DNAH17: variants seen among roughly 807,000 people sequenced by gnomAD.
DNAH17 encodes axonemal beta dynein heavy chain 17.
DNAH17 carries 376 observed loss-of-function variants against 485.6 expected under a neutral mutation model. That is an observed-to-expected ratio of 0.77 (90% CI 0.71 to 0.84). The LOEUF (loss-of-function observed/expected upper bound fraction) is 0.84, where lower values mean the gene tolerates loss of function less well. Ranked by LOEUF, DNAH17 falls within the 40% of genes least tolerant of loss-of-function variation. DNAH17 has a pLI of 0.00. For synonymous variants in DNAH17, 3,031 were observed against 2,405.9 expected (o/e 1.26, Z -7.60); for missense variants, 6,370 against 5,839.3 (o/e 1.09, Z -2.96).
intron 71 of DNAH17, among the ~76,000 whole-genome samples, chr17:78,443,700 C>A (rs1449481557): frequency 6.6e-6 from 1 of 152,200 alleles, no homozygotes; most frequent in Non-Finnish European, 1.5e-5. Flanking sequence ...TAGGAGCCCG[C>A]CACCGCGCCC....
At chr17:78,513,157 G>C (rs1470282353) in intron 26 of DNAH17, among the ~76,000 whole-genome samples, 2 of 152,014 alleles carry the variant, frequency 1.3e-5, no homozygotes, top group African/African-American at 4.8e-5. Context: ...TTCAGGCCAT[G>C]ACGGGAAGGA....
intron 25 of DNAH17, among the ~76,000 whole-genome samples, chr17:78,517,459 A>G (rs1244948121): frequency 1.3e-5 from 2 of 152,212 alleles, no homozygotes; most frequent in African/African-American, 2.4e-5. Flanking sequence ...ACACACACAG[A>G]AGAAGAAATA....
At chr17:78,496,408 T>C (rs1416985241) in intron 37 of DNAH17, among the ~76,000 whole-genome samples, 1 of 143,336 alleles carries the variant, frequency 7.0e-6, no homozygotes, top group Non-Finnish European at 1.5e-5. Flanking sequence ...CTCTGCCCCA[T>C]GTAGCCTGAT....
chr17:78,463,773 A>T (rs577026741), intron 56 of DNAH17, among the ~76,000 whole-genome samples: 2 of 152,366 alleles, frequency 1.3e-5, no homozygotes, highest in African/African-American at 4.8e-5. Context: ...GAACGCAGGC[A>T]CTGGGAGCTT....
intron 75 of DNAH17, 45 bp from the exon 76 acceptor site, chr17:78,429,345 C>T: frequency 6.3e-7 from 1 of 1,588,932 alleles, no homozygotes; most frequent in Non-Finnish European, 8.6e-7. Flanking sequence ...CCCTGTGCCC[C>T]TTCTCTGCCA....
intron 62 of DNAH17, among the ~76,000 whole-genome samples, chr17:78,457,602 C>T (rs1414999836): frequency 4.0e-5 from 6 of 150,448 alleles, no homozygotes; most frequent in Non-Finnish European, 8.8e-5. Context: ...TGGTTTCAAA[C>T]TCCCACCTCA....
intron 44 of DNAH17, among the ~76,000 whole-genome samples, chr17:78,488,581 C>T (rs2089713631): frequency 6.6e-6 from 1 of 152,032 alleles, no homozygotes; most frequent in Admixed American, 6.6e-5. Flanking sequence ...TTTCAGTTCC[C>T]CGGACATTGT....
At chr17:78,431,457 C>G (rs1013160697) in intron 75 of DNAH17, among the ~76,000 whole-genome samples, 1 of 148,308 alleles carries the variant, frequency 6.7e-6, no homozygotes, top group African/African-American at 2.6e-5. Flanking sequence ...AACCCCCCAC[C>G]CCGAGACTCC....
chr17:78,433,948 G>A (rs946088730), intron 75 of DNAH17, 81 bp downstream of exon 75: 58 of 1,036,192 alleles, frequency 5.6e-5, no homozygotes, highest in Non-Finnish European at 7.3e-5. Flanking sequence ...AAGGAGGGAG[G>A]GAAGGAGGGA....
chr17:78,565,448 G>A (rs1250590683), intron 11 of DNAH17, among the ~76,000 whole-genome samples: 1 of 152,238 alleles, frequency 6.6e-6, no homozygotes, highest in East Asian at 1.9e-4. Flanking sequence ...GGAACATCCT[G>A]ACGTTTGTCG....
chr17:78,447,887 T>C (rs920483242), intron 69 of DNAH17, among the ~76,000 whole-genome samples: 2 of 152,020 alleles, frequency 1.3e-5, no homozygotes, highest in Non-Finnish European at 2.9e-5. Flanking sequence ...TTTAAAAAAT[T>C]AGGGCCGGGT....
At chr17:78,526,532 G>T (rs918272012) in intron 24 of DNAH17, 119 bp downstream of exon 24, 8 of 808,118 alleles carry the variant, frequency 9.9e-6, no homozygotes, top group Non-Finnish European at 1.5e-5. Context: ...ACTCGTGCAC[G>T]GCCCCAAGGT....
In DNAH17 at chr17:78,560,786, A is replaced by G. The variant is rs1362805431; in HGVS notation, c.1985T>C (p.Leu662Pro). 5.2e-6 allele frequency: 8 copies of G among 1,552,174 alleles called. No homozygotes were observed. Among genetic ancestry groups the G allele is most frequent in the South Asian group, 1.2e-5 (1 of 84,068 alleles). The change falls in exon 13 of 81, where the codon CTG becomes CCG. Residue 662 changes from leucine (L) to proline (P), a missense_variant. Leu to Pro is a moderately conservative substitution (Grantham distance 98). Coordinates refer to ENST00000389840, the MANE Select transcript of DNAH17 (RefSeq NM_173628.4). ...GATGAGGTTGCTAGCGGCGTCCCGCAGAATCAGCGGCTGCCCCAGGTTAAA... is the reference window on the plus strand; with the variant it reads ...GATGAGGTTGCTAGCGGCGTCCCGCGGAATCAGCGGCTGCCCCAGGTTAAA... ...CHFNLGQPLI[L>P]RDAASNLIHV... is the part of the protein sequence containing the mutation.
At position 78,537,477 on chromosome 17, in the gene DNAH17, C is replaced by A. The variant is rs772125886; in HGVS notation, c.2681G>T (p.Ser894Ile). 6.2e-7 allele frequency: 1 copy of A among 1,613,174 alleles called. No homozygotes were observed. Among genetic ancestry groups the A allele is most frequent in the South Asian group, 1.1e-5 (1 of 90,992 alleles). Residue 894 changes from serine to isoleucine, a missense_variant, in exon 19 of 81, where the codon AGT becomes ATT. Coordinates refer to ENST00000389840, the MANE Select transcript of DNAH17 (RefSeq NM_173628.4). The part of the protein sequence containing the change: ...FLMDNMVIDE[S>I]IAPLFEIRME... Reference sequence around the variant, plus strand: ...GCGGATCTCAAACAGGGGAGCGATACTCTCCTGAAAGAGGGGTGGGGTTGG... The same window carrying A: ...GCGGATCTCAAACAGGGGAGCGATAATCTCCTGAAAGAGGGGTGGGGTTGG...
rs1477529768 is a variant in DNAH17, at chr17:78,537,113, G to C, written c.2859+186C>G. ...GAATGGCTTGAACCCAGGAGGCGGAGGTTGCAGTGAGCCAAGATCGCGCCA... is the reference window on the plus strand; with the variant it reads ...GAATGGCTTGAACCCAGGAGGCGGACGTTGCAGTGAGCCAAGATCGCGCCA... On this transcript the variant is annotated intron_variant, in intron 19 of 80. Coordinates refer to ENST00000389840, the MANE Select transcript of DNAH17 (RefSeq NM_173628.4). 5.9e-5 allele frequency among the ~76,000 whole-genome samples: 9 copies of C among 151,542 alleles called. No individual in the cohort carries two copies. In the East Asian group the frequency reaches 1.7e-3, roughly 29 times the overall value.
chr17:78,564,020 G>T (rs1193627929), intron 11 of DNAH17, among the ~76,000 whole-genome samples: 1 of 152,186 alleles, frequency 6.6e-6, no homozygotes, highest in African/African-American at 2.4e-5. Flanking sequence ...GACCCTAACA[G>T]GTGCCAGGGA....
In DNAH17 at chr17:78,480,676, C is replaced by T; in HGVS notation, c.7752+8G>A. 6.2e-7 allele frequency: 1 copy of T among 1,611,944 alleles called. No individual in the cohort carries two copies. Among genetic ancestry groups the T allele is most frequent in the Non-Finnish European group, 8.5e-7 (1 of 1,178,662 alleles). ...CAGGTGACGGGGATGAGTATGGTTT[C>T]TGCTTACCTGAAGCCTGGAGTCGAT... is the stretch of plus-strand genomic sequence containing the variant. On this transcript the variant is annotated splice_region_variant and intron_variant, in intron 49 of 80. Coordinates refer to ENST00000389840, the MANE Select transcript of DNAH17 (RefSeq NM_173628.4).
intron 56 of DNAH17, among the ~76,000 whole-genome samples, chr17:78,464,400 C>T (rs2088308016): frequency 6.6e-6 from 1 of 152,204 alleles, no homozygotes; most frequent in South Asian, 2.1e-4. Context: ...GCTAGGATTA[C>T]AGGCATGCAC....
At position 78,433,923 on chromosome 17, in the gene DNAH17, A is replaced by AGGAAGGAGGGAGGGAGGGAG. The variant is rs1555650715; in HGVS notation, c.12225+105_12225+106insCTCCCTCCCTCCCTCCTTCC. The AGGAAGGAGGGAGGGAGGGAG allele has an allele frequency of 4.1e-5, 23 of 558,060 alleles. No individual in the cohort carries two copies. In the East Asian group the frequency reaches 8.2e-4, roughly 20 times the overall value. The allele number at this position is 558,060 out of a possible 1,614,324, so 34.6% of individuals were successfully genotyped here. On this transcript the variant is annotated intron_variant, in intron 75 of 80. Transcript: ENST00000389840. ...CAAAGACCAAAAGGAAAGGGAGGGA[A>AGGAAGGAGGGAGGGAGGGAG]GGAAGGAGGGAGGGAAGGAGGGAGG...
Sources: allele counts gnomAD v4.1 joint callset (sites outside exome capture counted in the v4.1 genomes callset), GRCh38; gene constraint gnomAD v4.1.1; transcripts MANE v1.5; gene names NCBI Gene and HGNC (gene_info 2026-07-23, HGNC 2026-07-21).